NISCH: variants seen among roughly 807,000 people sequenced by gnomAD.
NISCH encodes the protein nischarin, also known as I-1 receptor candidate protein.
NISCH carries 55 observed loss-of-function variants against 138.4 expected under a neutral mutation model. The observed-to-expected ratio is 0.40, with a 90% CI of 0.32 to 0.50. The LOEUF is 0.50. Among genes scored for constraint, NISCH ranks in the 20% least tolerant of loss-of-function variants. The pLI is 0.71. For synonymous variants in NISCH, 860 were observed against 861.5 expected (o/e 1.00, Z 0.03); for missense variants, 1,643 against 2,005.5 (o/e 0.82, Z 3.45).
Position 52,475,396 on chromosome 3 carries a change from A to G in NISCH, c.766-1051A>G, listed in dbSNP as rs1019726390. ...TTTGATGGTCTCTGGGCTTTGTGCT[A>G]CTCCCCTTATCTTAGCATTGTCTGA... is the stretch of plus-strand genomic sequence containing the variant. On this transcript the variant is annotated intron_variant, in intron 7 of 20. Coordinates refer to ENST00000345716, the MANE Select transcript of NISCH (RefSeq NM_007184.4). Among the ~76,000 whole-genome samples, 23 of 151,582 alleles carry G rather than the reference A, an allele frequency of 1.5e-4. 1 individual carries two copies. Among genetic ancestry groups the G allele is most frequent in the African/African-American group, 5.6e-4 (23 of 41,216 alleles).
rs759878396 is a variant in NISCH at position 52,472,308 on chromosome 3, T to G, written c.579T>G (p.Ser193=). Residue 193 remains serine, a synonymous_variant, in exon 6 of 21, where the codon TCT becomes TCG. Transcript: ENST00000345716. The stretch of plus-strand genomic sequence containing the variant: ...AGCCTTATCTTTGGCTTCAGGTTTC[T>G]GGCACAGAAGGACCTTTTGGGACCA... ...FTCRLKYLKV[S]GTEGPFGTSN... 6.2e-7 allele frequency: 1 copy of G among 1,614,154 alleles called. No homozygotes were observed.
Position 52,458,739 on chromosome 3 carries a change from G to A in NISCH, c.255G>A (p.Val85=), listed in dbSNP as rs773876671. ...KIIGKNSRSL[V]EKREKDLEVY... ...TTGGGAAAAACTCAAGAAGCTTGGTGGAGAAGAGGGAGAAGGATCTGGAGG... is the reference window on the plus strand; with the variant it reads ...TTGGGAAAAACTCAAGAAGCTTGGTAGAGAAGAGGGAGAAGGATCTGGAGG... Residue 85 remains valine (V), a synonymous_variant, in exon 3 of 21, where the codon GTG becomes GTA. Transcript: ENST00000345716. 2.5e-6 allele frequency: 4 copies of A among 1,613,964 alleles called. No individual in the cohort carries two copies. The Middle Eastern group carries it at 6.8e-4, about 273-fold the overall frequency.
rs140425464 is a variant in NISCH at position 52,478,559 on chromosome 3, C to G, written c.1284C>G (p.Phe428Leu). ...ACCGGACCAAGGTGCTGGCTCAGTT[C>G]GGAGAGAGGGCCTCAGAGGTGAGCC... ...PDYRTKVLAQ[F>L]GERASEVCLD... The change falls in exon 11 of 21, where the codon TTC becomes TTG. Residue 428 changes from phenylalanine to leucine, a missense_variant. Coordinates refer to ENST00000345716, the MANE Select transcript of NISCH (RefSeq NM_007184.4). 1.9e-6 allele frequency: 3 copies of G among 1,614,000 alleles called. No individual in the cohort carries two copies. The highest frequency in any genetic ancestry group is 1.3e-5 in the African/African-American group (1 of 74,894).
intron 8 of NISCH, 93 bp from the exon 9 acceptor site, chr3:52,477,481 G>A (rs1707130947): frequency 9.6e-7 from 1 of 1,040,898 alleles, no homozygotes; most frequent in Non-Finnish European, 1.5e-6. Context: ...ATGGTCGGGA[G>A]GAAGCGTCCT....
At position 52,491,392 on chromosome 3, in the gene NISCH, C is replaced by T; in HGVS notation, c.3783C>T (p.Asp1261=). ...PMQVVTCLTR[D]SYLTHCFLQH... ...AGGTGGTCACGTGCTTGACGCGGGACAGCTACCTGACGCACTGCTTCCTCC... is the reference window on the plus strand; with the variant it reads ...AGGTGGTCACGTGCTTGACGCGGGATAGCTACCTGACGCACTGCTTCCTCC... The change falls in exon 20 of 21, where the codon GAC becomes GAT. Residue 1261 remains aspartate, a synonymous_variant. Coordinates refer to ENST00000345716, the MANE Select transcript of NISCH (RefSeq NM_007184.4). 1.2e-6 allele frequency: 2 copies of T among 1,613,208 alleles called. No individual in the cohort carries two copies. The highest frequency in any genetic ancestry group is 2.2e-5 in the South Asian group (2 of 91,076).
rs1030832343 is a variant in NISCH at position 52,475,678 on chromosome 3, G to GA, written c.766-762dup. On this transcript the variant is annotated intron_variant, in intron 7 of 20. Transcript: ENST00000345716. ...TATGTAGGGAGACCTCGTTTCTACAGAAAAAAATTTTTTAATTAGCTGGGC... is the reference window on the plus strand; with the variant it reads ...TATGTAGGGAGACCTCGTTTCTACAGAAAAAAAATTTTTTAATTAGCTGGGC... 2.6e-5 allele frequency: 4 copies of GA among 152,202 alleles called. No homozygotes were observed. In the South Asian group the frequency reaches 6.2e-4, roughly 24 times the overall value. The allele number at this position is 152,202 out of a possible 1,614,324, so 9.4% of individuals were successfully genotyped here.
chr3:52,461,114 C>T (rs111456313), intron 3 of NISCH, among the ~76,000 whole-genome samples: 136 of 152,276 alleles, frequency 8.9e-4, no homozygotes, highest in Middle Eastern at 3.4e-3. Context: ...GTGACTCATG[C>T]CTGTAGTCCC....
intron 3 of NISCH, among the ~76,000 whole-genome samples, chr3:52,466,468 G>A (rs532544689): frequency 6.6e-6 from 1 of 151,628 alleles, no homozygotes; most frequent in Non-Finnish European, 1.5e-5. Context: ...CAGAGACTCA[G>A]GCAGGAGAAT....
rs60865450 is a variant in NISCH, at chr3:52,460,186, C to CAAAA, written c.360+1365_360+1368dup. On this transcript the variant is annotated intron_variant, in intron 3 of 20. Coordinates refer to ENST00000345716, the MANE Select transcript of NISCH (RefSeq NM_007184.4). ...ACAGAGTGAGAGTAAGACTTCATCT[C>CAAAA]AAAAAAAAAAAAAAAAAAAAAAAAA... Among the ~76,000 whole-genome samples, 9 of 56,198 alleles carry CAAAA rather than the reference C, an allele frequency of 1.6e-4. 1 individual carries two copies. The highest frequency in any genetic ancestry group is 3.8e-4 in the African/African-American group (5 of 13,134). The allele number at this position is 56,198 out of a possible 152,430, so 36.9% of individuals were successfully genotyped here.
intron 15 of NISCH, among the ~76,000 whole-genome samples, chr3:52,486,788 C>T (rs1476886807): frequency 6.6e-6 from 1 of 152,234 alleles, no homozygotes; most frequent in Non-Finnish European, 1.5e-5. Flanking sequence ...AGACCTGCCC[C>T]AGCCCACTTC....
intron 4 of NISCH, chr3:52,471,555 C>T (rs532907513): frequency 1.2e-5 from 7 of 563,562 alleles, no homozygotes; most frequent in African/African-American, 3.8e-5. Context: ...GGTCTCGACT[C>T]GGCCTCACTC....
intron 16 of NISCH, among the ~76,000 whole-genome samples, chr3:52,489,072 A>G (rs1002729639): frequency 2.6e-5 from 4 of 152,064 alleles, no homozygotes; most frequent in East Asian, 1.9e-4. Context: ...ACCCACCTCA[A>G]CATCTTGCTG....
chr3:52,491,056 C>T (rs945426087), intron 19 of NISCH, among the ~76,000 whole-genome samples: 2 of 152,214 alleles, frequency 1.3e-5, no homozygotes, highest in African/African-American at 2.4e-5. Flanking sequence ...AGCGCTGGCC[C>T]GGACAGAAGC....
intron 18 of NISCH, among the ~76,000 whole-genome samples, 173 bp downstream of exon 18, chr3:52,490,404 T>C (rs1707530993): frequency 6.6e-6 from 1 of 152,132 alleles, no homozygotes; most frequent in African/African-American, 2.4e-5. Flanking sequence ...GAGGGGTCCA[T>C]GGCCAGATGT....
intron 7 of NISCH, among the ~76,000 whole-genome samples, chr3:52,474,721 T>G (rs1395938797): frequency 1.3e-5 from 2 of 152,208 alleles, no homozygotes; most frequent in Non-Finnish European, 2.9e-5. Context: ...CATGAGCCAC[T>G]TCAGCCGGCC....
rs552575012 is a variant in NISCH at position 52,489,843 on chromosome 3, C to T, written c.3456+165C>T. On this transcript the variant is annotated intron_variant, in intron 17 of 20. Transcript: ENST00000345716. Reference sequence around the variant, plus strand: ...CTGGGCAGTGAGGTCCTGAGTTGCCCTCCCCTGGCCATTTGTGCTGTGTCA... The same window carrying T: ...CTGGGCAGTGAGGTCCTGAGTTGCCTTCCCCTGGCCATTTGTGCTGTGTCA... 2.3e-6 allele frequency: 3 copies of T among 1,309,348 alleles called. No homozygotes were observed. The African/African-American group carries it at 4.4e-5, about 19-fold the overall frequency. 81.1% of individuals were successfully genotyped at this position (1,309,348 alleles called of 1,614,324 possible).
intron 16 of NISCH, among the ~76,000 whole-genome samples, 186 bp downstream of exon 16, chr3:52,488,791 A>T (rs1202980640): frequency 7.6e-6 from 1 of 132,156 alleles, no homozygotes; most frequent in Non-Finnish European, 1.5e-5. Context: ...GCTGCTCCTT[A>T]TCTCAGTGCT....
At chr3:52,463,201 A>G (rs181968946) in intron 3 of NISCH, among the ~76,000 whole-genome samples, 1 of 152,332 alleles carries the variant, frequency 6.6e-6, no homozygotes, top group East Asian at 1.9e-4. Context: ...TATAAATAGA[A>G]TCATACAGTG....
intron 7 of NISCH, chr3:52,476,225 C>G (rs771610982): frequency 1.8e-6 from 1 of 552,504 alleles, no homozygotes; most frequent in Non-Finnish European, 3.3e-6. Context: ...TAAAGCAGGG[C>G]CAGGACTTAA....
Sources: allele counts gnomAD v4.1 joint callset (sites outside exome capture counted in the v4.1 genomes callset), GRCh38; gene constraint gnomAD v4.1.1; transcripts MANE v1.5; gene names NCBI Gene and HGNC (gene_info 2026-07-23, HGNC 2026-07-21).